The following MAMDC2 variants were observed in gnomAD, a reference collection of about 807,000 sequenced individuals.
MAMDC2 encodes MAM domain containing 2, also known as MAM domain-containing protein 2.
Under a neutral mutation model 89.8 loss-of-function variants are expected in MAMDC2, and 57 were observed. The observed-to-expected ratio is 0.63, with a 90% CI of 0.51 to 0.79. The LOEUF is 0.79. Among genes scored for constraint, MAMDC2 ranks in the 30% least tolerant of loss-of-function variants. MAMDC2 has a pLI of 0.00. For synonymous variants in MAMDC2, 313 were observed against 293.4 expected, an observed-to-expected ratio of 1.07 and a Z score of -0.68; for missense variants, 800 against 820.6, an observed-to-expected ratio of 0.97 and a Z score of 0.31.
chr9:70,156,931 C>T (rs1326550251), intron 9 of MAMDC2, among the ~76,000 whole-genome samples: 2 of 152,178 alleles, frequency 1.3e-5, no homozygotes, highest in Non-Finnish European at 2.9e-5. Context: ...TAGTTGCTGA[C>T]ACATACTTTA....
chr9:70,138,555 C>T (rs1448876256), intron 7 of MAMDC2, among the ~76,000 whole-genome samples: 1 of 152,188 alleles, frequency 6.6e-6, no homozygotes, highest in East Asian at 1.9e-4. Flanking sequence ...TTCTCCACAT[C>T]CTCACCAACA....
Position 70,131,558 on chromosome 9 carries a change from T to C in MAMDC2, c.940T>C (p.Tyr314His). 6.2e-7 allele frequency: 1 copy of C among 1,609,510 alleles called. No homozygotes were observed. Among genetic ancestry groups the C allele is most frequent in the Non-Finnish European group, 8.5e-7 (1 of 1,178,972 alleles). The change falls in exon 7 of 14, where the codon TAT (tyrosine) becomes CAT (histidine). Residue 314 changes from tyrosine (Y) to histidine (H), a missense_variant. Physicochemically the swap from Tyr to His is moderately conservative, Grantham distance 83 (BLOSUM62 2). Transcript: ENST00000377182. The part of the protein sequence containing the change: ...EVAFNGPKGG[Y>H]VALDDISFSP... ...TGCTTTCAATGGTCCCAAGGGAGGTTATGTTGCCCTGGATGATATTTCATT... is the reference window on the plus strand; with the variant it reads ...TGCTTTCAATGGTCCCAAGGGAGGTCATGTTGCCCTGGATGATATTTCATT...
At chr9:70,198,927 A>C (rs1242095161) in intron 11 of MAMDC2, among the ~76,000 whole-genome samples, 2 of 152,096 alleles carry the variant, frequency 1.3e-5, no homozygotes, top group African/African-American at 2.4e-5. Context: ...TCTTTTAAGA[A>C]TTTTCATAGT....
At chr9:70,206,609 A>T (rs2033227965) in intron 11 of MAMDC2, among the ~76,000 whole-genome samples, 1 of 152,014 alleles carries the variant, frequency 6.6e-6, no homozygotes, top group African/African-American at 2.4e-5. Context: ...ACTTTGTTTC[A>T]TATTTTTTTT....
chr9:70,140,303 T>G lies in MAMDC2; in HGVS notation c.1138+15T>G. ...TACAGGCTTAGGTAAATCAGAGATCTGTCTATGTGGGGACATCTTGGGTAG... is the reference window on the plus strand; with the variant it reads ...TACAGGCTTAGGTAAATCAGAGATCGGTCTATGTGGGGACATCTTGGGTAG... On this transcript the variant is annotated intron_variant, in intron 8 of 13. Transcript: ENST00000377182. 6.3e-7 allele frequency: 1 copy of G among 1,576,518 alleles called. No homozygotes were observed. The highest frequency in any genetic ancestry group is 8.6e-7 in the Non-Finnish European group (1 of 1,166,474).
At chr9:70,211,543 G>C (rs1200793701) in intron 11 of MAMDC2, among the ~76,000 whole-genome samples, 1 of 151,984 alleles carries the variant, frequency 6.6e-6, no homozygotes, top group African/African-American at 2.4e-5. Flanking sequence ...TTTTTTCAAG[G>C]TTTTTAGCTT....
At chr9:70,162,673 G>A (rs922992581) in intron 9 of MAMDC2, among the ~76,000 whole-genome samples, 9 of 151,954 alleles carry the variant, frequency 5.9e-5, no homozygotes, top group Admixed American at 5.9e-4. Flanking sequence ...TATACTTTTA[G>A]TAGAGAGGGG....
intron 6 of MAMDC2, among the ~76,000 whole-genome samples, chr9:70,130,006 TTCTGTG>T (rs1483407575): frequency 6.8e-4 from 48 of 70,596 alleles, no homozygotes; most frequent in African/African-American, 2.3e-3. Context: ...TCACATGGCA[TTCTGTG>T]TGTGTGTGTG....
intron 12 of MAMDC2, among the ~76,000 whole-genome samples, chr9:70,220,515 C>CT (rs1274808968): frequency 2.6e-5 from 4 of 152,128 alleles, no homozygotes; most frequent in African/African-American, 9.7e-5. Context: ...ATCCTAGTGT[C>CT]TAATAAAACA....
chr9:70,164,283 G>T (rs974658746), intron 9 of MAMDC2, among the ~76,000 whole-genome samples: 16 of 152,140 alleles, frequency 1.1e-4, no homozygotes, highest in Non-Finnish European at 1.6e-4. Context: ...ACTCTGTTGT[G>T]GATTTTAAAA....
intron 11 of MAMDC2, among the ~76,000 whole-genome samples, chr9:70,201,924 T>C (rs1217094573): frequency 6.9e-6 from 1 of 143,930 alleles, no homozygotes; most frequent in African/African-American, 2.6e-5. Context: ...TTTTATTGTG[T>C]CTATTTGATT....
intron 2 of MAMDC2, among the ~76,000 whole-genome samples, chr9:70,046,385 A>G (rs1826753020): frequency 6.6e-6 from 1 of 152,232 alleles, no homozygotes; most frequent in Non-Finnish European, 1.5e-5. Context: ...GAGAGTGAAC[A>G]GCTACTTAAG....
intron 12 of MAMDC2, among the ~76,000 whole-genome samples, chr9:70,224,616 G>A (rs2033616126): frequency 6.6e-6 from 1 of 152,112 alleles, no homozygotes; most frequent in Admixed American, 6.6e-5. Flanking sequence ...TGTTCTATCT[G>A]CATCCTCAAC....
chr9:70,146,757 A>G (rs1435689118), intron 9 of MAMDC2, among the ~76,000 whole-genome samples: 2 of 151,468 alleles, frequency 1.3e-5, no homozygotes, highest in Non-Finnish European at 2.9e-5. Context: ...ACACGGCAAA[A>G]CCCCATCTCT....
At chr9:70,159,160 A>G (rs2031872104) in intron 9 of MAMDC2, among the ~76,000 whole-genome samples, 1 of 152,112 alleles carries the variant, frequency 6.6e-6, no homozygotes, top group African/African-American at 2.4e-5. Flanking sequence ...AATTGGCACA[A>G]TGTTTTAATA....
chr9:70,182,586 G>C (rs1295043437), intron 11 of MAMDC2, among the ~76,000 whole-genome samples: 1 of 152,092 alleles, frequency 6.6e-6, no homozygotes, highest in Non-Finnish European at 1.5e-5. Flanking sequence ...AGTCTTGGGA[G>C]GGTGTATGTG....
intron 5 of MAMDC2, among the ~76,000 whole-genome samples, chr9:70,119,184 G>GTA (rs2030169518): frequency 1.4e-5 from 1 of 71,146 alleles, no homozygotes; most frequent in East Asian, 5.1e-4. Context: ...ACATACCTTA[G>GTA]CAAAAAAAAA....
Position 70,126,196 on chromosome 9 carries a change from C to T in MAMDC2, c.681C>T (p.His227=). The stretch of plus-strand genomic sequence containing the variant: ...ACGTGGACTCAGTTTATGTGAAGCA[C>T]TTCCAGGAGGTGGCACAGCTCATCT... ...YMYVDSVYVK[H]FQEVAQLISP... is the part of the protein sequence containing the mutation. Residue 227 remains histidine, a synonymous_variant, in exon 6 of 14, where the codon CAC becomes CAT. Transcript: ENST00000377182. 1.2e-6 allele frequency: 2 copies of T among 1,613,854 alleles called. No homozygotes were observed. Among genetic ancestry groups the T allele is most frequent in the African/African-American group, 1.3e-5 (1 of 74,944 alleles).
At chr9:70,093,422 GTT>G (rs34543592) in intron 2 of MAMDC2, among the ~76,000 whole-genome samples, 1 of 137,592 alleles carries the variant, frequency 7.3e-6, no homozygotes, top group African/African-American at 2.7e-5. Context: ...TACAGGGACA[GTT>G]TTTTTTTTTT....
Sources: allele counts gnomAD v4.1 joint callset (sites outside exome capture counted in the v4.1 genomes callset), GRCh38; gene constraint gnomAD v4.1.1; transcripts MANE v1.5; gene names NCBI Gene and HGNC (gene_info 2026-07-23, HGNC 2026-07-21).